SH3BGRL2: variants seen among roughly 807,000 people sequenced by gnomAD.
SH3BGRL2 encodes the protein SH3 domain binding glutamate rich protein like 2, also known as SH3 domain-binding glutamic acid-rich-like protein 2.
A neutral mutation model predicts 14.8 loss-of-function variants in SH3BGRL2; 21 were observed. That is an observed-to-expected ratio of 1.42 (90% CI 1.01 to 2.05). SH3BGRL2 has a LOEUF of 2.05. Among genes scored for constraint, SH3BGRL2 ranks in the 30% most tolerant of loss-of-function variants. SH3BGRL2 has a pLI of 0.00. For synonymous variants in SH3BGRL2, 50 were observed against 47.8 expected, an observed-to-expected ratio of 1.05 and a Z score of -0.19; for missense variants, 147 against 130.8, an observed-to-expected ratio of 1.12 and a Z score of -0.61.
At chr6:79,545,246 G>A in the SH3BGRL2 span, among the ~76,000 whole-genome samples, 1 of 152,074 alleles carries the variant, frequency 6.6e-6, no homozygotes, top group Non-Finnish European at 1.5e-5. Context: ...CAGCTCCCCT[G>A]CAGGCCTGTT....
upstream of SH3BGRL2, among the ~76,000 whole-genome samples, chr6:79,628,724 A>G (rs1278619615): frequency 2.0e-5 from 3 of 151,774 alleles, no homozygotes; most frequent in East Asian, 5.9e-4. Flanking sequence ...ATACAAGGTC[A>G]AAAGGTGAAC....
the SH3BGRL2 span, among the ~76,000 whole-genome samples, chr6:79,547,166 G>C: frequency 1.3e-5 from 2 of 152,212 alleles, no homozygotes; most frequent in Admixed American, 6.5e-5. Flanking sequence ...GTATGCCTGA[G>C]AAGAGGATAA....
the SH3BGRL2 span, among the ~76,000 whole-genome samples, chr6:79,624,822 T>C: frequency 2.6e-5 from 4 of 152,026 alleles, no homozygotes; most frequent in African/African-American, 9.7e-5. Context: ...GTTTTTTTTT[T>C]CCTGTCAGAT....
chr6:79,582,740 C>CT, the SH3BGRL2 span, among the ~76,000 whole-genome samples: 1 of 152,178 alleles, frequency 6.6e-6, no homozygotes, highest in East Asian at 1.9e-4. Flanking sequence ...GACTTCATGA[C>CT]TAAAACACCA....
chr6:79,681,459 G>T (rs988437565), intron 2 of SH3BGRL2, among the ~76,000 whole-genome samples: 1 of 152,090 alleles, frequency 6.6e-6, no homozygotes, highest in Non-Finnish European at 1.5e-5. Context: ...CCCCCATATT[G>T]CCTTGGTTAA....
intron 1 of SH3BGRL2, among the ~76,000 whole-genome samples, chr6:79,632,996 G>A (rs181868748): frequency 2.8e-4 from 42 of 152,314 alleles, no homozygotes; most frequent in African/African-American, 9.6e-4. Flanking sequence ...TAAAGCCTAG[G>A]CTACTTTGGA....
intron 1 of SH3BGRL2, among the ~76,000 whole-genome samples, chr6:79,632,111 A>G (rs552456626): frequency 1.3e-5 from 2 of 152,086 alleles, no homozygotes; most frequent in African/African-American, 4.8e-5. Context: ...ATATTTTTAC[A>G]TCTTTATGTA....
chr6:79,540,376 A>C, the SH3BGRL2 span, among the ~76,000 whole-genome samples: 3 of 152,170 alleles, frequency 2.0e-5, no homozygotes, highest in African/African-American at 7.2e-5. Flanking sequence ...CGGAGGTTGC[A>C]GTGAGCCGAG....
At chr6:79,688,616 TGA>T (rs1180623891) in intron 2 of SH3BGRL2, among the ~76,000 whole-genome samples, 2 of 152,172 alleles carry the variant, frequency 1.3e-5, no homozygotes, top group Non-Finnish European at 2.9e-5. Flanking sequence ...AAACTTTATG[TGA>T]GTTTTAAAAA....
chr6:79,562,520 A>T, the SH3BGRL2 span, among the ~76,000 whole-genome samples: 1 of 152,186 alleles, frequency 6.6e-6, no homozygotes, highest in African/African-American at 2.4e-5. Context: ...GATGAGAGTA[A>T]GTAACCAGAT....
the SH3BGRL2 span, among the ~76,000 whole-genome samples, chr6:79,549,228 A>T: frequency 7.3e-4 from 111 of 152,360 alleles, no homozygotes; most frequent in African/African-American, 2.5e-3. Flanking sequence ...TACAAACTAA[A>T]TAAAATCAGA....
the SH3BGRL2 span, among the ~76,000 whole-genome samples, chr6:79,604,925 G>A: frequency 6.6e-6 from 1 of 152,274 alleles, no homozygotes; most frequent in South Asian, 2.1e-4. Flanking sequence ...TTAGGTAGGA[G>A]GTGGAGTGTA....
chr6:79,608,553 T>A, the SH3BGRL2 span, among the ~76,000 whole-genome samples: 1 of 152,220 alleles, frequency 6.6e-6, no homozygotes, highest in Non-Finnish European at 1.5e-5. Context: ...AAGTTCTGAC[T>A]TAATAGGATG....
chr6:79,656,452 A>G (rs564416951), intron 1 of SH3BGRL2, among the ~76,000 whole-genome samples: 39 of 152,304 alleles, frequency 2.6e-4, no homozygotes, highest in African/African-American at 9.1e-4. Flanking sequence ...TAGAGGAAAC[A>G]TGGGATAACA....
At chr6:79,546,775 C>G in the SH3BGRL2 span, among the ~76,000 whole-genome samples, 1 of 151,820 alleles carries the variant, frequency 6.6e-6, no homozygotes, top group Non-Finnish European at 1.5e-5. Flanking sequence ...TCACTGTAAC[C>G]TCCGCCTGGG....
chr6:79,550,403 T>C, the SH3BGRL2 span, among the ~76,000 whole-genome samples: 1 of 152,172 alleles, frequency 6.6e-6, no homozygotes, highest in Admixed American at 6.6e-5. Flanking sequence ...CACTCCTGGA[T>C]TTTTCCCTAA....
intron 2 of SH3BGRL2, among the ~76,000 whole-genome samples, chr6:79,675,731 T>G (rs1484905745): frequency 6.6e-6 from 1 of 152,208 alleles, no homozygotes; most frequent in Non-Finnish European, 1.5e-5. Flanking sequence ...TCTTGCTCTG[T>G]GATTCTTTTA....
chr6:79,585,118 A>G, the SH3BGRL2 span, among the ~76,000 whole-genome samples: 4 of 152,090 alleles, frequency 2.6e-5, no homozygotes, highest in East Asian at 1.9e-4. Flanking sequence ...GGGCCATCAT[A>G]TGATTTATTA....
chr6:79,645,989 C>T (rs1769135603), intron 1 of SH3BGRL2, among the ~76,000 whole-genome samples: 1 of 152,202 alleles, frequency 6.6e-6, no homozygotes, highest in Admixed American at 6.5e-5. Context: ...ATACCCTAAA[C>T]CAGGGTTTGT....
Sources: allele counts gnomAD v4.1 joint callset (sites outside exome capture counted in the v4.1 genomes callset), GRCh38; gene constraint gnomAD v4.1.1; transcripts MANE v1.5; gene names NCBI Gene and HGNC (gene_info 2026-07-23, HGNC 2026-07-21).